The following BAZ1A variants were observed in gnomAD, a reference collection of about 807,000 sequenced individuals.
The protein encoded by BAZ1A is bromodomain adjacent to zinc finger domain 1A, also known as bromodomain adjacent to zinc finger domain protein 1A.
BAZ1A carries 50 observed loss-of-function variants against 185.2 expected under a neutral mutation model. That is an observed-to-expected ratio of 0.27 (90% confidence interval 0.22 to 0.34). The LOEUF (loss-of-function observed/expected upper bound fraction) is 0.34, where lower values mean the gene tolerates loss of function less well. BAZ1A is among the 10% of genes least tolerant of loss of function. The probability of loss-of-function intolerance (pLI) is 1.00; values close to 1 mark genes in which losing one functional copy is unlikely to be tolerated. For synonymous variants in BAZ1A, 571 were observed against 615.6 expected, an observed-to-expected ratio of 0.93 and a Z score of 1.07; for missense variants, 1,356 against 1,839.9, an observed-to-expected ratio of 0.74 and a Z score of 4.81.
At chr14:34,778,474 G>A (rs1290061153) in intron 17 of BAZ1A, among the ~76,000 whole-genome samples, 1 of 152,148 alleles carries the variant, frequency 6.6e-6, no homozygotes, top group Non-Finnish European at 1.5e-5. Flanking sequence ...TGTAAGATTG[G>A]AATTATCTGC....
At chr14:34,830,208 A>G (rs1424993193) in intron 3 of BAZ1A, among the ~76,000 whole-genome samples, 1 of 152,140 alleles carries the variant, frequency 6.6e-6, no homozygotes, top group East Asian at 1.9e-4. Context: ...AAACAGTACT[A>G]CTCATAAGAG....
At chr14:34,862,905 C>A (rs1448123890) in intron 2 of BAZ1A, among the ~76,000 whole-genome samples, 1 of 151,594 alleles carries the variant, frequency 6.6e-6, no homozygotes, top group East Asian at 1.9e-4. Context: ...GACTGGGGAA[C>A]CATTCTATTC....
rs1451798193 is a variant in BAZ1A at position 34,826,068 on chromosome 14, T to C, written c.481A>G (p.Ile161Val). The C allele has an allele frequency of 1.9e-6, 3 of 1,609,010 alleles. No homozygotes were observed. Among genetic ancestry groups the C allele is most frequent in the South Asian group, 2.2e-5 (2 of 90,098 alleles). The change falls in exon 4 of 27, where the codon ATT (isoleucine) becomes GTT (valine). Residue 161 changes from isoleucine (I) to valine (V), a missense_variant. This residue lies in a region of BAZ1A where 332 missense variants were observed against 395.3 expected (regional missense o/e 0.84). Coordinates refer to ENST00000360310, the MANE Select transcript of BAZ1A (RefSeq NM_013448.3). ...GHVNSVDGET[I>V]IISDSDDSET... ...GAATCATCACTATCACTGATGATAA[T>C]AGTTTCTCCATCCACACTGTTAACA...
At chr14:34,825,382 G>A (rs1183324400) in intron 4 of BAZ1A, among the ~76,000 whole-genome samples, 1 of 135,244 alleles carries the variant, frequency 7.4e-6, no homozygotes, top group African/African-American at 2.8e-5. Context: ...GAACCCAGGA[G>A]ACTTCAGTGA....
intron 3 of BAZ1A, among the ~76,000 whole-genome samples, chr14:34,839,478 G>C (rs2042378933): frequency 6.8e-6 from 1 of 148,058 alleles, no homozygotes; most frequent in Admixed American, 6.9e-5. Context: ...GGTGGAGGCT[G>C]AAGTGAGCTG....
intron 3 of BAZ1A, among the ~76,000 whole-genome samples, chr14:34,855,408 C>T (rs2042661303): frequency 6.6e-6 from 1 of 152,148 alleles, no homozygotes; most frequent in South Asian, 2.1e-4. Context: ...AAATCCTCTT[C>T]AACCATACAG....
Position 34,874,647 on chromosome 14 carries a change from C to A in BAZ1A, c.-43G>T. On this transcript the variant is annotated 5_prime_UTR_variant, in exon 2 of 27. Coordinates refer to ENST00000360310, the MANE Select transcript of BAZ1A (RefSeq NM_013448.3). The surrounding 1 kb of genome is among the most constrained non-coding windows in gnomAD (Gnocchi z 4.7). ...GCTCGCCTGGACCCTCGGCCGCCCG[C>A]GCCGGCCCCGCTTCCCTATCAAAAT... 6.7e-7 allele frequency: 1 copy of A among 1,501,562 alleles called. No homozygotes were observed. Among genetic ancestry groups the A allele is most frequent in the Non-Finnish European group, 9.1e-7 (1 of 1,099,226 alleles). 93.0% of individuals were successfully genotyped at this position (1,501,562 alleles called of 1,614,324 possible). A position where few individuals can be genotyped will look rare whatever the true frequency, so the allele number is the denominator to read the frequency against.
rs754596074 is a variant in BAZ1A, at chr14:34,874,619, C to T, written c.-15G>A. 2 of 1,601,228 alleles carry T rather than the reference C, an allele frequency of 1.2e-6. No individual in the cohort carries two copies. The highest frequency in any genetic ancestry group is 1.7e-6 in the Non-Finnish European group (2 of 1,173,154). ...AGCAGCGGCATCTCCCGTCCGCCCG[C>T]GGGCTCGCCTGGACCCTCGGCCGCC... On this transcript the variant is annotated 5_prime_UTR_variant, in exon 2 of 27. Coordinates refer to ENST00000360310, the MANE Select transcript of BAZ1A (RefSeq NM_013448.3). The surrounding 1 kb of genome is among the most constrained non-coding windows in gnomAD (Gnocchi z 4.7).
At position 34,772,783 on chromosome 14, in the gene BAZ1A, C is replaced by T. The variant is rs1018838850; in HGVS notation, c.3152+789G>A. On this transcript the variant is annotated intron_variant, in intron 20 of 26. Coordinates refer to ENST00000360310, the MANE Select transcript of BAZ1A (RefSeq NM_013448.3). ...TGGTGGCTCAGGCCTGTAATCCCAG[C>T]ACTTTGGGAGGCCGAGGCAGGGCAT... Among the ~76,000 whole-genome samples, 7 of 152,234 alleles carry T rather than the reference C, an allele frequency of 4.6e-5. No homozygotes were observed. The South Asian group carries it at 1.5e-3, about 32-fold the overall frequency.
At position 34,792,863 on chromosome 14, in the gene BAZ1A, A is replaced by T; in HGVS notation, c.1422T>A (p.Leu474=). The change falls in exon 12 of 27, where the codon CTT becomes CTA. Residue 474 remains leucine (L), a synonymous_variant. Transcript: ENST00000360310. ...NDSEGPLCEL[L]FFFLTAIFQA... ...GGAAGATTGCAGTCAGGAAGAAAAAAAGCAATTCACACAGTGGGCCTTCAC... is the reference window on the plus strand; with the variant it reads ...GGAAGATTGCAGTCAGGAAGAAAAATAGCAATTCACACAGTGGGCCTTCAC... 6.2e-7 allele frequency: 1 copy of T among 1,613,986 alleles called. No individual in the cohort carries two copies. The highest frequency in any genetic ancestry group is 8.5e-7 in the Non-Finnish European group (1 of 1,179,966).
intron 2 of BAZ1A, among the ~76,000 whole-genome samples, chr14:34,872,580 G>A (rs1369616883): frequency 1.3e-5 from 2 of 152,272 alleles, no homozygotes; most frequent in East Asian, 1.9e-4. Flanking sequence ...CAGCCTGGGC[G>A]ACAGAGCGAG....
chr14:34,822,146 T>G (rs550336343), intron 4 of BAZ1A, among the ~76,000 whole-genome samples: 1 of 151,950 alleles, frequency 6.6e-6, no homozygotes, highest in East Asian at 1.9e-4. Context: ...AATACAAACA[T>G]TAGCTGGGTG....
At chr14:34,821,343 A>C (rs2042086468) in intron 4 of BAZ1A, among the ~76,000 whole-genome samples, 1 of 152,236 alleles carries the variant, frequency 6.6e-6, no homozygotes, top group Non-Finnish European at 1.5e-5. Context: ...TGTTGTTATA[A>C]GCCTAACATG....
intron 12 of BAZ1A, among the ~76,000 whole-genome samples, chr14:34,788,234 C>A (rs891432592): frequency 2.6e-5 from 4 of 151,956 alleles, no homozygotes; most frequent in Non-Finnish European, 4.4e-5. Context: ...GCCAGGCTGA[C>A]CTTGTGATCC....
intron 3 of BAZ1A, among the ~76,000 whole-genome samples, chr14:34,835,718 C>A (rs1201556392): frequency 6.7e-6 from 1 of 149,896 alleles, no homozygotes; most frequent in Non-Finnish European, 1.5e-5. Flanking sequence ...TGTTGCCAGG[C>A]TGGAGTGCAA....
chr14:34,798,856 C>T (rs1204946522), intron 9 of BAZ1A, among the ~76,000 whole-genome samples: 1 of 152,134 alleles, frequency 6.6e-6, no homozygotes, highest in African/African-American at 2.4e-5. Flanking sequence ...ACCAGAAGTA[C>T]CATTTGACCC....
chr14:34,821,573 TTCCTGTGG>T (rs2042089905), intron 4 of BAZ1A, among the ~76,000 whole-genome samples: 1 of 152,250 alleles, frequency 6.6e-6, no homozygotes, highest in African/African-American at 2.4e-5. Flanking sequence ...TGTTTCACCC[TTCCTGTGG>T]TATCTGATGA....
At chr14:34,858,839 G>C (rs1183087991) in intron 3 of BAZ1A, among the ~76,000 whole-genome samples, 1 of 152,122 alleles carries the variant, frequency 6.6e-6, no homozygotes, top group Non-Finnish European at 1.5e-5. Context: ...TGATATGGAG[G>C]AAGACATGAA....
chr14:34,837,384 G>A (rs533570077), intron 3 of BAZ1A, among the ~76,000 whole-genome samples: 25 of 149,246 alleles, frequency 1.7e-4, no homozygotes, highest in Non-Finnish European at 3.2e-4. Flanking sequence ...TGGGACTACA[G>A]GCGAATACCA....
Sources: gnomAD v4.1 joint callset for allele counts (sites outside exome capture counted in the v4.1 genomes callset) on GRCh38, gnomAD v4.1.1 for gene constraint, gnomAD v4.1.1 regional missense constraint, Gnocchi (gnomAD v3.1) non-coding constraint, MANE v1.5 for transcripts, NCBI Gene and HGNC (gene_info 2026-07-23, HGNC 2026-07-21) for gene names.